SLC35E3: variants seen among roughly 807,000 people sequenced by gnomAD.
SLC35E3 encodes bladder cancer-overexpressed gene 1 protein.
A neutral mutation model predicts 30.8 loss-of-function variants in SLC35E3; 28 were observed. The observed-to-expected ratio is 0.91, with a 90% CI of 0.67 to 1.25. SLC35E3 has a LOEUF of 1.25. Ranked by LOEUF, SLC35E3 falls within the 50% of genes most tolerant of loss-of-function variation. SLC35E3 has a pLI of 0.00. For missense variants in SLC35E3, 365 were observed against 375.4 expected, an observed-to-expected ratio of 0.97 and a Z score of 0.23; for synonymous variants, 146 against 149.2, an observed-to-expected ratio of 0.98 and a Z score of 0.16.
rs578093503 is a variant in SLC35E3, at chr12:68,764,585, G to T, written c.756-119G>T. The T allele has an allele frequency of 3.7e-5, 32 of 857,878 alleles. No individual in the cohort carries two copies. The South Asian group carries it at 5.6e-4, about 15-fold the overall frequency. 53.1% of individuals were successfully genotyped at this position (857,878 alleles called of 1,614,324 possible). On this transcript the variant is annotated intron_variant, in intron 4 of 4. Transcript: ENST00000398004. Reference sequence around the variant, plus strand: ...TTACAGGCATGATCCACCACGCCTGGTCCCATTGTTCTTTACATCTGATGG... The same window carrying T: ...TTACAGGCATGATCCACCACGCCTGTTCCCATTGTTCTTTACATCTGATGG...
intron 3 of SLC35E3, among the ~76,000 whole-genome samples, chr12:68,753,986 A>G (rs747150278): frequency 8.6e-5 from 13 of 151,980 alleles, no homozygotes; most frequent in Non-Finnish European, 1.8e-4. Context: ...AGCTGGGACT[A>G]TAGGCGCACA....
intron 4 of SLC35E3, among the ~76,000 whole-genome samples, chr12:68,762,796 C>T (rs984494978): frequency 4.6e-5 from 7 of 152,224 alleles, no homozygotes; most frequent in Non-Finnish European, 5.9e-5. Context: ...TCCTCTGTGT[C>T]TCAGGAAGTC....
chr12:68,762,883 G>A (rs1325194072), intron 4 of SLC35E3, among the ~76,000 whole-genome samples: 1 of 152,130 alleles, frequency 6.6e-6, no homozygotes, highest in Non-Finnish European at 1.5e-5. Flanking sequence ...GCTGCCCAGC[G>A]GGAACCTCCA....
rs189289196 is a variant in SLC35E3 at position 68,771,724 on chromosome 12, G to A, written c.*6834G>A. ...CAAGCAAAAGTCCGGTCTCAGCCCG[G>A]GAGCTAGTAGCATGCAGTGGAACAG... On this transcript the variant is annotated 3_prime_UTR_variant, in exon 5 of 5. Transcript: ENST00000398004. The A allele has an allele frequency of 6.6e-6, 1 of 152,396 alleles. No homozygotes were observed. The highest frequency in any genetic ancestry group is 6.5e-5 in the Admixed American group (1 of 15,308). The allele number at this position is 152,396 out of a possible 1,614,324, so 9.4% of individuals were successfully genotyped here.
At chr12:68,763,064 A>C (rs1879277486) in intron 4 of SLC35E3, among the ~76,000 whole-genome samples, 1 of 152,220 alleles carries the variant, frequency 6.6e-6, no homozygotes, top group South Asian at 2.1e-4. Flanking sequence ...TGTATTTGAG[A>C]GAATGTGTCA....
intron 2 of SLC35E3, 29 bp downstream of exon 2, chr12:68,748,069 T>C: frequency 8.3e-7 from 1 of 1,209,858 alleles, no homozygotes. Flanking sequence ...TTTATGTGCC[T>C]TTTTAGCAGA....
intron 4 of SLC35E3, among the ~76,000 whole-genome samples, 183 bp downstream of exon 4, chr12:68,759,422 G>A (rs1879164867): frequency 6.6e-6 from 1 of 152,136 alleles, no homozygotes; most frequent in Admixed American, 6.6e-5. Context: ...TGAACTGAAG[G>A]GGCAAGTGTG....
At chr12:68,752,263 T>C (rs993899676) in intron 3 of SLC35E3, 73 bp downstream of exon 3, 17 of 1,369,334 alleles carry the variant, frequency 1.2e-5, no homozygotes, top group Non-Finnish European at 1.7e-5. Flanking sequence ...TAATTTTTAG[T>C]TTTCAGAGCA....
At chr12:68,757,269 AGCT>A (rs1460642309) in intron 3 of SLC35E3, among the ~76,000 whole-genome samples, 1 of 152,210 alleles carries the variant, frequency 6.6e-6, no homozygotes, top group African/African-American at 2.4e-5. Flanking sequence ...ACGTGGAACT[AGCT>A]TCTTTATATT....
rs141445485 is a variant in SLC35E3 at position 68,764,709 on chromosome 12, A to G, written c.761A>G (p.Asn254Ser). Residue 254 changes from asparagine to serine, a missense_variant, in exon 5 of 5, where the codon AAC (asparagine) becomes AGC (serine). Transcript: ENST00000398004. ...TCCTTATCCAAAAACCTCAGCTATA[A>G]CATGTTCGGACACTTCAAGTTCTGC... ...IIGNTSPVTY[N>S]MFGHFKFCIT... 437 of 1,613,434 alleles carry G rather than the reference A, an allele frequency of 2.7e-4. 1 individual carries two copies. The East Asian group carries it at 8.3e-3, about 31-fold the overall frequency.
At chr12:68,756,762 G>GCCC in intron 3 of SLC35E3, among the ~76,000 whole-genome samples, 1 of 152,326 alleles carries the variant, frequency 6.6e-6, no homozygotes, top group Admixed American at 6.5e-5. Flanking sequence ...AGCAATTTGG[G>GCCC]AGGTCAGGGC....
chr12:68,762,365 G>A (rs944232422), intron 4 of SLC35E3, among the ~76,000 whole-genome samples: 1 of 152,146 alleles, frequency 6.6e-6, no homozygotes, highest in Non-Finnish European at 1.5e-5. Context: ...GAGGTGGAAG[G>A]AAGGAGGAGA....
chr12:68,761,120 G>A (rs1212433069), intron 4 of SLC35E3, among the ~76,000 whole-genome samples: 1 of 152,232 alleles, frequency 6.6e-6, no homozygotes, highest in East Asian at 1.9e-4. Flanking sequence ...GCAAAGGAGG[G>A]AATGTGGTAG....
rs772751423 is a variant in SLC35E3, at chr12:68,746,368, C to G, written c.-10C>G. ...TTCCGAGGCTAGACGGCCCCAGCTT[C>G]GCGGGGATCATGGCATTGCTGGTGG... On this transcript the variant is annotated 5_prime_UTR_variant, in exon 1 of 5. Coordinates refer to ENST00000398004, the MANE Select transcript of SLC35E3 (RefSeq NM_018656.5). 1 of 1,557,540 alleles carries G rather than the reference C, an allele frequency of 6.4e-7. No individual in the cohort carries two copies.
intron 2 of SLC35E3, among the ~76,000 whole-genome samples, chr12:68,751,731 A>C (rs1878801800): frequency 1.3e-5 from 2 of 152,108 alleles, no homozygotes; most frequent in Admixed American, 6.5e-5. Context: ...CCTTATATGC[A>C]TTTATTTTTC....
At chr12:68,755,411 C>T (rs1252871083) in intron 3 of SLC35E3, among the ~76,000 whole-genome samples, 1 of 152,160 alleles carries the variant, frequency 6.6e-6, no homozygotes, top group Non-Finnish European at 1.5e-5. Flanking sequence ...TTAGTCTGTT[C>T]CCAGCACTAT....
In SLC35E3 at chr12:68,758,729, C is replaced by CTTTTTTTT. The variant is rs776771224; in HGVS notation, c.673-405_673-398dup. 5.2e-4 allele frequency among the ~76,000 whole-genome samples: 25 copies of CTTTTTTTT among 48,424 alleles called. 2 individuals are homozygous for CTTTTTTTT. The highest frequency in any genetic ancestry group is 1.4e-3 in the African/African-American group (17 of 12,336). 31.8% of individuals were successfully genotyped at this position (48,424 alleles called of 152,430 possible). On this transcript the variant is annotated intron_variant, in intron 3 of 4. Coordinates refer to ENST00000398004, the MANE Select transcript of SLC35E3 (RefSeq NM_018656.5). The stretch of plus-strand genomic sequence containing the variant: ...TGTCTCCCAACCCCAAATTCTCTTT[C>CTTTTTTTT]TTTTTTTTTTTTTTTTTTTTTTTTT...
At chr12:68,753,622 A>G (rs921057050) in intron 3 of SLC35E3, among the ~76,000 whole-genome samples, 1 of 152,088 alleles carries the variant, frequency 6.6e-6, no homozygotes, top group Non-Finnish European at 1.5e-5. Context: ...TAGATATGGA[A>G]TGATATCATA....
chr12:68,766,125 A>G lies in SLC35E3; in HGVS notation c.*1235A>G, dbSNP rs1238669081. On this transcript the variant is annotated 3_prime_UTR_variant, in exon 5 of 5. Transcript: ENST00000398004. ...AGAAAATTGATGTAAGAAATCATAC[A>G]TTATTCATACATTTATAGGTCATCT... 7 of 152,140 alleles carry G rather than the reference A, an allele frequency of 4.6e-5. No individual in the cohort carries two copies. The East Asian group carries it at 1.3e-3, about 29-fold the overall frequency. The allele number at this position is 152,140 out of a possible 1,614,324, so 9.4% of individuals were successfully genotyped here. A position where few individuals can be genotyped will look rare whatever the true frequency, so the allele number is the denominator to read the frequency against.
Sources: gnomAD v4.1 joint callset for allele counts (sites outside exome capture counted in the v4.1 genomes callset) on GRCh38, gnomAD v4.1.1 for gene constraint, MANE v1.5 for transcripts, NCBI Gene and HGNC (gene_info 2026-07-23, HGNC 2026-07-21) for gene names.